The following TTC28 variants were observed in gnomAD, a reference collection of about 807,000 sequenced individuals.
TTC28 encodes the protein tetratricopeptide repeat domain 28.
Under a neutral mutation model 198.0 loss-of-function variants are expected in TTC28, and 61 were observed. That is an observed-to-expected ratio of 0.31 (90% CI 0.25 to 0.38). TTC28 has a LOEUF of 0.38. TTC28 is among the 10% of genes least tolerant of loss of function. The pLI is 1.00. For missense variants in TTC28, 2,678 were observed against 3,164.0 expected (o/e 0.85, Z 3.69); for synonymous variants, 1,171 against 1,297.8 (o/e 0.90, Z 2.10).
chr22:28,669,541 TA>T (rs1181039696), intron 1 of TTC28, among the ~76,000 whole-genome samples: 1 of 152,148 alleles, frequency 6.6e-6, no homozygotes, highest in Non-Finnish European at 1.5e-5. Context: ...ATCAGGAAAC[TA>T]AGCTCCTAGT....
intron 2 of TTC28, among the ~76,000 whole-genome samples, chr22:28,340,989 G>T (rs1371090654): frequency 6.6e-6 from 1 of 152,126 alleles, no homozygotes; most frequent in African/African-American, 2.4e-5. Flanking sequence ...TAAACTAGAT[G>T]ACTAGGAAGA....
chr22:28,003,075 G>A lies in TTC28; in HGVS notation c.4219-1522C>T, dbSNP rs115719828. 9.4e-3 allele frequency among the ~76,000 whole-genome samples: 1,438 copies of A among 152,286 alleles called. 25 individuals are homozygous for A. The highest frequency in any genetic ancestry group is 0.032 in the African/African-American group (1,337 of 41,558). ...GTGCAACCTAGGCAGGAAGAAGTAG[G>A]GGTGTGTCACAGTGACCCCGACACT... On this transcript the variant is annotated intron_variant, in intron 14 of 22. Transcript: ENST00000397906.
intron 5 of TTC28, among the ~76,000 whole-genome samples, chr22:28,224,259 G>A (rs909657445): frequency 1.4e-4 from 22 of 152,162 alleles, no homozygotes; most frequent in African/African-American, 5.3e-4. Flanking sequence ...AAATGCAGTA[G>A]GTCTGGGGCA....
intron 5 of TTC28, among the ~76,000 whole-genome samples, chr22:28,220,667 C>T (rs1927785002): frequency 6.6e-6 from 1 of 152,166 alleles, no homozygotes; most frequent in South Asian, 2.1e-4. Flanking sequence ...TACAATCTTA[C>T]ATAATCATAT....
chr22:28,492,394 G>A (rs2048392520), intron 2 of TTC28, among the ~76,000 whole-genome samples: 2 of 152,060 alleles, frequency 1.3e-5, no homozygotes, highest in South Asian at 4.1e-4. Context: ...GTTAATGAAT[G>A]GATGCCTTCT....
intron 2 of TTC28, among the ~76,000 whole-genome samples, chr22:28,547,996 T>C (rs1196780290): frequency 6.6e-6 from 1 of 151,986 alleles, no homozygotes; most frequent in Non-Finnish European, 1.5e-5. Context: ...CACCCAATAC[T>C]GCTGCTCTCT....
intron 6 of TTC28, among the ~76,000 whole-genome samples, chr22:28,127,743 A>G (rs1942953467): frequency 6.6e-6 from 1 of 151,954 alleles, no homozygotes; most frequent in African/African-American, 2.4e-5. Flanking sequence ...TGTGCCTCAC[A>G]TTTTCTTTCC....
At chr22:28,084,222 G>T (rs1312082023) in intron 12 of TTC28, among the ~76,000 whole-genome samples, 1 of 152,192 alleles carries the variant, frequency 6.6e-6, no homozygotes, top group East Asian at 1.9e-4. Flanking sequence ...CCTCAAGTGG[G>T]TCCCTGATCC....
At chr22:28,568,475 C>T (rs2050014160) in intron 2 of TTC28, among the ~76,000 whole-genome samples, 1 of 152,152 alleles carries the variant, frequency 6.6e-6, no homozygotes. Context: ...TAGTCTCTGT[C>T]TAAAGGCTCC....
At chr22:28,499,819 T>C (rs1183744926) in intron 2 of TTC28, among the ~76,000 whole-genome samples, 1 of 152,186 alleles carries the variant, frequency 6.6e-6, no homozygotes, top group Non-Finnish European at 1.5e-5. Context: ...AATTGGCATA[T>C]AAAAATGGAC....
intron 2 of TTC28, among the ~76,000 whole-genome samples, chr22:28,399,297 TATA>T (rs1199916670): frequency 1.3e-5 from 2 of 150,952 alleles, no homozygotes; most frequent in Non-Finnish European, 2.9e-5. Flanking sequence ...ACAATGTTTG[TATA>T]AGTTGAGACT....
intron 2 of TTC28, among the ~76,000 whole-genome samples, chr22:28,565,869 G>C (rs1807460353): frequency 6.6e-6 from 1 of 152,138 alleles, no homozygotes; most frequent in African/African-American, 2.4e-5. Flanking sequence ...CTTTGGAAAA[G>C]AAAGGGCTAT....
intron 2 of TTC28, among the ~76,000 whole-genome samples, chr22:28,436,481 A>G (rs2047521468): frequency 6.6e-6 from 1 of 152,158 alleles, no homozygotes; most frequent in Admixed American, 6.5e-5. Flanking sequence ...AGGATTCACC[A>G]AGGAGGAGAA....
At chr22:28,586,928 A>G (rs939837615) in intron 2 of TTC28, among the ~76,000 whole-genome samples, 1 of 152,214 alleles carries the variant, frequency 6.6e-6, no homozygotes, top group East Asian at 1.9e-4. Context: ...AATGTGATTA[A>G]TAATTTTATA....
At chr22:28,031,926 A>T (rs936553799) in intron 12 of TTC28, among the ~76,000 whole-genome samples, 3 of 151,742 alleles carry the variant, frequency 2.0e-5, no homozygotes, top group Non-Finnish European at 4.4e-5. Flanking sequence ...GAGAAAGAGA[A>T]AATTTGCTCT....
Position 28,391,946 on chromosome 22 carries a change from C to T in TTC28, c.382-85303G>A, listed in dbSNP as rs898780196. On this transcript the variant is annotated intron_variant, in intron 2 of 22. Transcript: ENST00000397906. ...CTTTTTAGAGTTTTCAGTTTTTCTG[C>T]TCTGTTTTTTCCCCATCTTTGTGGT... 9.2e-5 allele frequency among the ~76,000 whole-genome samples: 14 copies of T among 152,318 alleles called. No individual in the cohort carries two copies. The East Asian group carries it at 1.3e-3, about 15-fold the overall frequency.
At chr22:28,411,571 C>G (rs1187494129) in intron 2 of TTC28, among the ~76,000 whole-genome samples, 1 of 152,158 alleles carries the variant, frequency 6.6e-6, no homozygotes, top group African/African-American at 2.4e-5. Flanking sequence ...TAAATGAGAA[C>G]TACATCCTTT....
chr22:28,189,219 G>C (rs965961728), intron 5 of TTC28, among the ~76,000 whole-genome samples: 1 of 152,050 alleles, frequency 6.6e-6, no homozygotes, highest in Non-Finnish European at 1.5e-5. Flanking sequence ...AGTCTTCAGA[G>C]ACATAACATA....
At chr22:28,247,287 G>A (rs912408358) in intron 5 of TTC28, among the ~76,000 whole-genome samples, 27 of 152,318 alleles carry the variant, frequency 1.8e-4, no homozygotes, top group African/African-American at 6.0e-4. Context: ...CACACTGCCA[G>A]CCAGCTCTTC....
Sources: gnomAD v4.1 joint callset for allele counts (sites outside exome capture counted in the v4.1 genomes callset) on GRCh38, gnomAD v4.1.1 for gene constraint, MANE v1.5 for transcripts, NCBI Gene and HGNC (gene_info 2026-07-23, HGNC 2026-07-21) for gene names.